CEP162: variants seen among roughly 807,000 people sequenced by gnomAD.
CEP162 encodes centrosomal protein of 162 kDa.
In CEP162, 141 loss-of-function variants were observed where a neutral mutation model predicts 169.2. The observed-to-expected ratio is 0.83, with a 90% CI of 0.73 to 0.96. CEP162 has a LOEUF of 0.96. Among genes scored for constraint, CEP162 ranks in the 40% least tolerant of loss-of-function variants. The probability of loss-of-function intolerance (pLI) is 0.00; values close to 1 mark genes in which losing one functional copy is unlikely to be tolerated. For synonymous variants in CEP162, 540 were observed against 526.4 expected, an observed-to-expected ratio of 1.03 and a Z score of -0.35; for missense variants, 1,600 against 1,587.2, an observed-to-expected ratio of 1.01 and a Z score of -0.14.
chr6:84,149,590 T>G lies in CEP162; in HGVS notation c.3743A>C (p.Glu1248Ala). ...AVENSSSKVA[E>A]LNRKIATQEV... ...TTGAGTTGCTATTTTACGATTTAGT[T>G]CAGCTACTTTGGAAGAAGAATTTTC... The change falls in exon 24 of 27, where the codon GAA becomes GCA. Residue 1248 changes from glutamate to alanine, a missense_variant. Physicochemically the swap from Glu to Ala is moderately radical, Grantham distance 107. Transcript: ENST00000403245. 6.2e-7 allele frequency: 1 copy of G among 1,601,754 alleles called. No homozygotes were observed. The highest frequency in any genetic ancestry group is 2.2e-5 in the East Asian group (1 of 44,578).
intron 3 of CEP162, among the ~76,000 whole-genome samples, chr6:84,220,356 T>C (rs2099553209): frequency 6.6e-6 from 1 of 152,138 alleles, no homozygotes; most frequent in African/African-American, 2.4e-5. Context: ...CCAGGAGTGG[T>C]GGCTTAGGCT....
intron 10 of CEP162, 148 bp from the exon 11 acceptor site, chr6:84,193,838 A>C (rs940514863): frequency 8.3e-6 from 4 of 484,476 alleles, no homozygotes; most frequent in Non-Finnish European, 1.5e-5. Context: ...AAGTTTCCTT[A>C]TACCAGGAAA....
At chr6:84,178,518 A>T (rs1476874275) in intron 13 of CEP162, among the ~76,000 whole-genome samples, 5 of 152,166 alleles carry the variant, frequency 3.3e-5, no homozygotes, top group African/African-American at 1.2e-4. Context: ...TCAACCATTG[A>T]GCATCTTTGC....
At chr6:84,149,152 T>C (rs948991454) in intron 24 of CEP162, among the ~76,000 whole-genome samples, 1 of 152,010 alleles carries the variant, frequency 6.6e-6, no homozygotes, top group East Asian at 1.9e-4. Context: ...TAATAAAAGG[T>C]CATGGGGCAG....
intron 22 of CEP162, among the ~76,000 whole-genome samples, chr6:84,154,198 T>C (rs2099522183): frequency 6.6e-6 from 1 of 152,088 alleles, no homozygotes; most frequent in East Asian, 1.9e-4. Context: ...TTTAGATACA[T>C]AAAAGTGCAG....
chr6:84,133,429 C>T (rs1465637701), intron 25 of CEP162, among the ~76,000 whole-genome samples: 1 of 152,214 alleles, frequency 6.6e-6, no homozygotes, highest in East Asian at 1.9e-4. Flanking sequence ...TTTCTGCTGC[C>T]TTTTGTTTGG....
chr6:84,211,817 TA>T (rs1171609334), intron 6 of CEP162, among the ~76,000 whole-genome samples: 1 of 149,400 alleles, frequency 6.7e-6, no homozygotes, highest in African/African-American at 2.5e-5. Flanking sequence ...TATAAATCCA[TA>T]GATCAATGAT....
intron 5 of CEP162, among the ~76,000 whole-genome samples, chr6:84,214,765 A>G (rs918593575): frequency 6.6e-6 from 1 of 152,164 alleles, no homozygotes; most frequent in Non-Finnish European, 1.5e-5. Flanking sequence ...CAGGTTTCAA[A>G]GGTCTTGAGA....
chr6:84,175,889 C>T (rs902948961), intron 13 of CEP162, among the ~76,000 whole-genome samples: 44 of 151,834 alleles, frequency 2.9e-4, no homozygotes, highest in Non-Finnish European at 7.4e-5. Flanking sequence ...AAAAGATTAA[C>T]TCTGCTATAA....
chr6:84,130,173 ATGG>A (rs750327316), intron 25 of CEP162, among the ~76,000 whole-genome samples: 6 of 152,168 alleles, frequency 3.9e-5, no homozygotes, highest in Non-Finnish European at 8.8e-5. Flanking sequence ...TGATTTGCGT[ATGG>A]TGAACCAGAC....
intron 21 of CEP162, among the ~76,000 whole-genome samples, chr6:84,159,037 T>C (rs933507806): frequency 3.3e-5 from 5 of 151,542 alleles, no homozygotes; most frequent in African/African-American, 4.8e-5. Context: ...CATTTTTACT[T>C]ATATTCTATT....
Position 84,124,368 on chromosome 6 carries a change from T to C in CEP162, c.*702A>G, listed in dbSNP as rs920832083. The C allele has an allele frequency of 6.6e-6, 1 of 150,784 alleles. No individual in the cohort carries two copies. The highest frequency in any genetic ancestry group is 2.0e-4 in the East Asian group (1 of 5,066). 9.3% of individuals were successfully genotyped at this position (150,784 alleles called of 1,614,324 possible). A position where few individuals can be genotyped will look rare whatever the true frequency, so the allele number is the denominator to read the frequency against. On this transcript the variant is annotated 3_prime_UTR_variant, in exon 27 of 27. Transcript: ENST00000403245. ...AACGTGAGATATATATAGAGAGAGA[T>C]ATATAAATGGAGTATTATGCAACTA...
At chr6:84,212,086 C>T (rs2099549723) in intron 6 of CEP162, among the ~76,000 whole-genome samples, 2 of 151,980 alleles carry the variant, frequency 1.3e-5, no homozygotes, top group East Asian at 1.9e-4. Context: ...AAGTATTCCT[C>T]AAAAACAAAG....
At chr6:84,181,365 A>G (rs1355666440) in intron 13 of CEP162, among the ~76,000 whole-genome samples, 2 of 152,226 alleles carry the variant, frequency 1.3e-5, no homozygotes, top group Non-Finnish European at 2.9e-5. Flanking sequence ...GATGGATTAA[A>G]GACTTAAACG....
chr6:84,143,837 C>A (rs1460343564), intron 25 of CEP162, among the ~76,000 whole-genome samples: 1 of 151,910 alleles, frequency 6.6e-6, no homozygotes, highest in African/African-American at 2.4e-5. Flanking sequence ...TTTTCTTTAC[C>A]TTTAAGTTAA....
chr6:84,190,723 G>A (rs1020581501), intron 11 of CEP162, among the ~76,000 whole-genome samples: 52 of 152,182 alleles, frequency 3.4e-4, no homozygotes, highest in East Asian at 1.9e-4. Context: ...GACTCCAGAC[G>A]CGCCACCTTA....
intron 25 of CEP162, among the ~76,000 whole-genome samples, chr6:84,140,991 A>C (rs920751904): frequency 3.3e-5 from 5 of 152,154 alleles, no homozygotes; most frequent in African/African-American, 1.2e-4. Flanking sequence ...TCTCTTATAT[A>C]AGCCCACAAC....
chr6:84,190,202 G>C (rs1052852892), intron 11 of CEP162, among the ~76,000 whole-genome samples: 1 of 152,112 alleles, frequency 6.6e-6, no homozygotes. Context: ...GCTCTGGTGG[G>C]GCCTTGGAGA....
rs770522048 is a variant in CEP162, at chr6:84,175,216, T to C, written c.1795A>G (p.Thr599Ala). ...TETDSCIQFQ[T>A]DSLGYCGENK... is the part of the protein sequence containing the mutation. ...GATTATTAATTTTGAATACCTACAG[T>C]CTGAAACTGAATACAGGAATCAGTT... The change falls in exon 14 of 27, where the codon ACT becomes GCT. Residue 599 changes from threonine to alanine, a missense_variant and splice_region_variant. Coordinates refer to ENST00000403245, the MANE Select transcript of CEP162 (RefSeq NM_014895.4). 6.5e-7 allele frequency: 1 copy of C among 1,528,428 alleles called. No individual in the cohort carries two copies. Among genetic ancestry groups the C allele is most frequent in the Non-Finnish European group, 8.8e-7 (1 of 1,133,366 alleles). The allele number at this position is 1,528,428 out of a possible 1,614,324, so 94.7% of individuals were successfully genotyped here. A position where few individuals can be genotyped will look rare whatever the true frequency, so the allele number is the denominator to read the frequency against.
Sources: gnomAD v4.1 joint callset for allele counts (sites outside exome capture counted in the v4.1 genomes callset) on GRCh38, gnomAD v4.1.1 for gene constraint, MANE v1.5 for transcripts, NCBI Gene and HGNC (gene_info 2026-07-23, HGNC 2026-07-21) for gene names.